ABCC2: variants seen among roughly 807,000 people sequenced by gnomAD.
ABCC2 encodes the protein ATP binding cassette subfamily C member 2, also known as ATP-binding cassette sub-family C member 2.
A neutral mutation model predicts 173.4 loss-of-function variants in ABCC2; 157 were observed. The ratio of observed to expected loss-of-function variants is 0.91; its 90% CI spans 0.80 to 1.03. ABCC2 has a LOEUF of 1.03. Ranked by LOEUF, ABCC2 falls within the 50% of genes least tolerant of loss-of-function variation. The pLI is 0.00. For missense variants in ABCC2, 1,822 were observed against 1,852.3 expected (o/e 0.98, Z 0.30); for synonymous variants, 657 against 693.5 (o/e 0.95, Z 0.83).
At chr10:99,803,609 G>GA (rs1248657535) in intron 9 of ABCC2, among the ~76,000 whole-genome samples, 31 of 152,032 alleles carry the variant, frequency 2.0e-4, no homozygotes, top group Admixed American at 1.8e-3. Context: ...TGGAGAAACA[G>GA]AAAAAAACAA....
intron 8 of ABCC2, among the ~76,000 whole-genome samples, chr10:99,799,640 T>C (rs2037979761): frequency 6.6e-6 from 1 of 152,164 alleles, no homozygotes; most frequent in South Asian, 2.1e-4. Context: ...CTTGTTAAAC[T>C]GCTAAGGGCT....
At position 99,814,162 on chromosome 10, in the gene ABCC2, C is replaced by CGT. The variant is rs1554850518; in HGVS notation, c.2094+1019_2094+1020dup. On this transcript the variant is annotated intron_variant, in intron 16 of 31. Transcript: ENST00000647814. ...ATATACACACATGTATGTATACACA[C>CGT]GTATATATACACACATGTATGTATA... Among the ~76,000 whole-genome samples, 5 of 26,618 alleles carry CGT rather than the reference C, an allele frequency of 1.9e-4. 1 individual carries two copies. Among genetic ancestry groups the CGT allele is most frequent in the Non-Finnish European group, 3.7e-4 (5 of 13,426 alleles). The allele number at this position is 26,618 out of a possible 152,430, so 17.5% of individuals were successfully genotyped here.
chr10:99,832,782 G>A (rs1321924784), intron 23 of ABCC2, among the ~76,000 whole-genome samples: 1 of 152,202 alleles, frequency 6.6e-6, no homozygotes, highest in Non-Finnish European at 1.5e-5. Context: ...ATCTACCACA[G>A]ATCCTGGACC....
In ABCC2 at chr10:99,834,443, G is replaced by C. The variant is rs755990930; in HGVS notation, c.3322G>C (p.Gly1108Arg). 6.2e-7 allele frequency: 1 copy of C among 1,614,122 alleles called. No homozygotes were observed. The highest frequency in any genetic ancestry group is 1.7e-5 in the Admixed American group (1 of 60,020). The change falls in exon 24 of 32, where the codon GGG becomes CGG. Residue 1108 changes from glycine to arginine, a missense_variant. Coordinates refer to ENST00000647814, the MANE Select transcript of ABCC2 (RefSeq NM_000392.5). ...GCGCAGCTGGATTACATGCTTCCTG[G>C]GGATAATCAGCACCCTTGTCATGAT... is the stretch of plus-strand genomic sequence containing the variant. ...SLRSWITCFL[G>R]IISTLVMICM... is the part of the protein sequence containing the mutation.
rs145672804 is a variant in ABCC2, at chr10:99,832,109, G to A, written c.3236G>A (p.Arg1079Gln). 4.9e-4 allele frequency: 797 copies of A among 1,614,124 alleles called. 1 individual carries two copies. The highest frequency in any genetic ancestry group is 7.3e-4 in the Admixed American group (44 of 60,014). ...TTTTTTGACACAACACCCACAGGCCGGATTGTGAACAGGTTTGCCGGCGTA... is the reference window on the plus strand; with the variant it reads ...TTTTTTGACACAACACCCACAGGCCAGATTGTGAACAGGTTTGCCGGCGTA... ...MRFFDTTPTG[R>Q]IVNRFAGDIS... Residue 1079 changes from arginine to glutamine, a missense_variant, in exon 23 of 32, where the codon CGG (arginine) becomes CAG (glutamine). Arg to Gln is a conservative substitution (Grantham distance 43). Coordinates refer to ENST00000647814, the MANE Select transcript of ABCC2 (RefSeq NM_000392.5).
At chr10:99,786,384 C>T (rs952570382) in intron 2 of ABCC2, among the ~76,000 whole-genome samples, 1 of 152,110 alleles carries the variant, frequency 6.6e-6, no homozygotes, top group African/African-American at 2.4e-5. Flanking sequence ...TTCTCAGTAC[C>T]CTTGGAATTG....
chr10:99,816,950 A>C (rs375791363), intron 16 of ABCC2, among the ~76,000 whole-genome samples: 1 of 152,180 alleles, frequency 6.6e-6, no homozygotes, highest in Non-Finnish European at 1.5e-5. Context: ...AGGACCGCTG[A>C]TCTATACCAT....
At position 99,819,182 on chromosome 10, in the gene ABCC2, T is replaced by C. The variant is rs772811862; in HGVS notation, c.2533T>C (p.Tyr845His). ...TGGAACAATTGTAGAGAAAGGATCC[T>C]ACAGTGCTCTCCTGGCCAAAAAAGG... Reference protein sequence around the residue: ...GNGTIVEKGSYSALLAKKGEF... With the variant: ...GNGTIVEKGSHSALLAKKGEF... The change falls in exon 19 of 32, where the codon TAC becomes CAC. Residue 845 changes from tyrosine (Y) to histidine (H), a missense_variant. Transcript: ENST00000647814. 1.9e-6 allele frequency: 3 copies of C among 1,613,946 alleles called. No individual in the cohort carries two copies. In the South Asian group the frequency reaches 3.3e-5, roughly 18 times the overall value.
In ABCC2 at chr10:99,800,484, G is replaced by A; in HGVS notation, c.1130G>A (p.Cys377Tyr). 6.2e-7 allele frequency: 1 copy of A among 1,614,172 alleles called. No individual in the cohort carries two copies. The highest frequency in any genetic ancestry group is 8.5e-7 in the Non-Finnish European group (1 of 1,180,036). ...LFTAALIQSF[C>Y]LQCYFQLCFK... ...ACTGCGGCTCTCATTCAGTCTTTCT[G>A]CCTTCAGTGTTATTTCCAACTGTGC... The change falls in exon 9 of 32, where the codon TGC becomes TAC. Residue 377 changes from cysteine (C) to tyrosine (Y), a missense_variant. By Grantham distance (194) the Cys-to-Tyr change is radical. Transcript: ENST00000647814.
intron 19 of ABCC2, 149 bp downstream of exon 19, chr10:99,819,418 T>C: frequency 1.2e-6 from 1 of 838,844 alleles, no homozygotes; most frequent in South Asian, 1.5e-5. Context: ...GGGTTCTGTG[T>C]CTCTTTGAGG....
At chr10:99,825,893 A>T (rs1453841567) in intron 19 of ABCC2, among the ~76,000 whole-genome samples, 1 of 152,222 alleles carries the variant, frequency 6.6e-6, no homozygotes, top group African/African-American at 2.4e-5. Context: ...AACACTTGGG[A>T]CAGTGGGTTT....
chr10:99,818,269 T>C (rs1356974715), intron 17 of ABCC2, among the ~76,000 whole-genome samples: 2 of 152,070 alleles, frequency 1.3e-5, no homozygotes, highest in African/African-American at 2.4e-5. Flanking sequence ...ATTATATAGA[T>C]CTAGCATAAT....
chr10:99,850,265 G>T lies in ABCC2; in HGVS notation c.4314-337G>T, dbSNP rs371901833. On this transcript the variant is annotated intron_variant, in intron 30 of 31. Coordinates refer to ENST00000647814, the MANE Select transcript of ABCC2 (RefSeq NM_000392.5). ...AACCAAATACAAAGCATGGTTCCTGGGCCATTGTTATCCAAACTTGTTTAA... is the reference window on the plus strand; with the variant it reads ...AACCAAATACAAAGCATGGTTCCTGTGCCATTGTTATCCAAACTTGTTTAA... Among the ~76,000 whole-genome samples the T allele has an allele frequency of 1.3e-4, 20 of 152,254 alleles. No homozygotes were observed. The South Asian group carries it at 4.2e-3, about 32-fold the overall frequency.
In ABCC2 at chr10:99,830,578, A is replaced by G. The variant is rs978340183; in HGVS notation, c.2748-138A>G. On this transcript the variant is annotated intron_variant, in intron 20 of 31. Transcript: ENST00000647814. Reference sequence around the variant, plus strand: ...TTGTTTCTTTGTTGTGGGGATGGGGAAAGATCGGGGTTGTGTCAGTTTCCC... The same window carrying G: ...TTGTTTCTTTGTTGTGGGGATGGGGGAAGATCGGGGTTGTGTCAGTTTCCC... 3.2e-6 allele frequency: 5 copies of G among 1,563,062 alleles called. No individual in the cohort carries two copies. The African/African-American group carries it at 5.4e-5, about 17-fold the overall frequency.
intron 13 of ABCC2, 66 bp from the exon 14 acceptor site, chr10:99,810,068 T>A (rs1480581175): frequency 2.7e-6 from 4 of 1,482,290 alleles, no homozygotes; most frequent in Non-Finnish European, 3.8e-6. Context: ...AACGACAAAG[T>A]CAAAATCTCT....
intron 19 of ABCC2, among the ~76,000 whole-genome samples, chr10:99,823,110 G>A (rs1475594531): frequency 1.3e-5 from 2 of 152,138 alleles, no homozygotes; most frequent in African/African-American, 4.8e-5. Flanking sequence ...TTGCCATAAT[G>A]CATTAGGACA....
rs74152758 is a variant in ABCC2 at position 99,785,313 on chromosome 10, C to T, written c.207+532C>T. On this transcript the variant is annotated intron_variant, in intron 2 of 31. Transcript: ENST00000647814. ...GGGTAAGTGTGCACAGTGACAAGCACGAGTAGGGAAATAATGGAAAGGACA... is the reference window on the plus strand; with the variant it reads ...GGGTAAGTGTGCACAGTGACAAGCATGAGTAGGGAAATAATGGAAAGGACA... Among the ~76,000 whole-genome samples, 179 of 152,112 alleles carry T rather than the reference C, an allele frequency of 1.2e-3. 1 individual carries two copies. Among genetic ancestry groups the T allele is most frequent in the African/African-American group, 4.1e-3 (172 of 41,516 alleles).
chr10:99,817,461 G>A lies in ABCC2; in HGVS notation c.2248G>A (p.Asp750Asn), dbSNP rs200511859. ...AGACTTGGAAATGCTGCCTGGAGGA[G>A]ATTTGGCTGAGATTGGAGAGAAGGT... is the stretch of plus-strand genomic sequence containing the variant. ...LPDLEMLPGG[D>N]LAEIGEKGIN... Residue 750 changes from aspartate to asparagine, a missense_variant, in exon 17 of 32, where the codon GAT (aspartate) becomes AAT (asparagine). Coordinates refer to ENST00000647814, the MANE Select transcript of ABCC2 (RefSeq NM_000392.5). 2 of 1,614,050 alleles carry A rather than the reference G, an allele frequency of 1.2e-6. No homozygotes were observed. The highest frequency in any genetic ancestry group is 1.1e-5 in the South Asian group (1 of 91,080).
intron 16 of ABCC2, among the ~76,000 whole-genome samples, chr10:99,814,654 C>CGTATATGTGTATAT (rs2038354031): frequency 2.6e-5 from 3 of 115,698 alleles, no homozygotes; most frequent in African/African-American, 9.8e-5. Flanking sequence ...CATATACACA[C>CGTATATGTGTATAT]ACATATGTGT....
Sources: allele counts gnomAD v4.1 joint callset (sites outside exome capture counted in the v4.1 genomes callset), GRCh38; gene constraint gnomAD v4.1.1; transcripts MANE v1.5; gene names NCBI Gene and HGNC (gene_info 2026-07-23, HGNC 2026-07-21).